The following PDE1C variants were observed in gnomAD, a reference collection of about 807,000 sequenced individuals.
PDE1C encodes dual specificity calcium/calmodulin-dependent 3',5'-cyclic nucleotide phosphodiesterase 1C.
Under a neutral mutation model 93.1 loss-of-function variants are expected in PDE1C, and 62 were observed. The ratio of observed to expected loss-of-function variants is 0.67; its 90% CI spans 0.54 to 0.82. PDE1C has a LOEUF of 0.82. Ranked by LOEUF, PDE1C falls within the 40% of genes least tolerant of loss-of-function variation. The probability of loss-of-function intolerance (pLI) is 0.00; values close to 1 mark genes in which losing one functional copy is unlikely to be tolerated. For missense variants in PDE1C, 742 were observed against 884.6 expected (o/e 0.84, Z 2.04); for synonymous variants, 325 against 310.1 (o/e 1.05, Z -0.50).
chr7:31,713,187 A>G, the PDE1C span, among the ~76,000 whole-genome samples: 1 of 152,214 alleles, frequency 6.6e-6, no homozygotes, highest in South Asian at 2.1e-4. Flanking sequence ...TCCTGGATAC[A>G]ATGGGGATAC....
the PDE1C span, among the ~76,000 whole-genome samples, chr7:31,678,471 T>C: frequency 1.4e-4 from 21 of 152,078 alleles, 1 homozygote; most frequent in South Asian, 2.5e-3. Flanking sequence ...CACCAATCAA[T>C]AGAGTGAGGG....
At chr7:32,117,599 A>G (rs951189465) in intron 3 of PDE1C, among the ~76,000 whole-genome samples, 3 of 152,232 alleles carry the variant, frequency 2.0e-5, no homozygotes, top group Non-Finnish European at 4.4e-5. Flanking sequence ...GGACACACAC[A>G]TACACATATA....
At chr7:31,699,020 A>G in the PDE1C span, among the ~76,000 whole-genome samples, 1 of 152,190 alleles carries the variant, frequency 6.6e-6, no homozygotes, top group East Asian at 1.9e-4. Context: ...CTGGAAAACA[A>G]ACCCCAAAGA....
chr7:32,357,452 G>A (rs1393916825), intron 1 of PDE1C, among the ~76,000 whole-genome samples: 1 of 152,170 alleles, frequency 6.6e-6, no homozygotes, highest in Admixed American at 6.5e-5. Flanking sequence ...AATAAGTTCT[G>A]TCTTCTTTCT....
At chr7:31,803,218 C>T (rs1272247422) in intron 16 of PDE1C, among the ~76,000 whole-genome samples, 3 of 151,690 alleles carry the variant, frequency 2.0e-5, no homozygotes, top group African/African-American at 4.8e-5. Flanking sequence ...TCACATTTCT[C>T]ATATCAGATA....
At chr7:32,391,725 G>A (rs543142886) in intron 1 of PDE1C, among the ~76,000 whole-genome samples, 15 of 152,052 alleles carry the variant, frequency 9.9e-5, no homozygotes, top group Middle Eastern at 6.8e-3. Flanking sequence ...TAAACAACAC[G>A]CTTCTAAACA....
chr7:32,108,230 C>CCA (rs748755388), intron 3 of PDE1C, among the ~76,000 whole-genome samples: 1 of 77,062 alleles, frequency 1.3e-5, no homozygotes, highest in Non-Finnish European at 2.5e-5. Flanking sequence ...AAAAGCAAGA[C>CCA]AAAAAAAAAA....
intron 2 of PDE1C, among the ~76,000 whole-genome samples, chr7:31,993,912 G>A (rs896566252): frequency 6.6e-6 from 1 of 151,862 alleles, no homozygotes; most frequent in Non-Finnish European, 1.5e-5. Flanking sequence ...TCCCTTTTTC[G>A]GCAGTATGTG....
At chr7:32,109,530 CATCCTGGCCTCTACCCA>C (rs1798530280) in intron 3 of PDE1C, among the ~76,000 whole-genome samples, 1 of 152,162 alleles carries the variant, frequency 6.6e-6, no homozygotes, top group African/African-American at 2.4e-5. Context: ...TGTTTAGCCA[CATCCTGGCCTCTACCCA>C]ATAGGTGCCA....
chr7:32,080,551 T>C (rs1188000788), intron 3 of PDE1C, among the ~76,000 whole-genome samples: 2 of 152,192 alleles, frequency 1.3e-5, no homozygotes, highest in African/African-American at 4.8e-5. Context: ...GGGTTAATTT[T>C]CAATTATCTG....
intron 1 of PDE1C, among the ~76,000 whole-genome samples, chr7:32,270,564 T>C (rs1223965256): frequency 6.6e-6 from 1 of 152,188 alleles, no homozygotes; most frequent in Non-Finnish European, 1.5e-5. Flanking sequence ...AAGGACTTTG[T>C]ACAGGACAAG....
At chr7:31,696,764 C>T in the PDE1C span, among the ~76,000 whole-genome samples, 1 of 152,128 alleles carries the variant, frequency 6.6e-6, no homozygotes, top group South Asian at 2.1e-4. Flanking sequence ...ATCAAGCATG[C>T]AAAACCTTTT....
At chr7:32,295,748 G>T (rs1357361484) in intron 1 of PDE1C, among the ~76,000 whole-genome samples, 1 of 152,032 alleles carries the variant, frequency 6.6e-6, no homozygotes, top group Non-Finnish European at 1.5e-5. Flanking sequence ...AAAAAAATTA[G>T]CAGGGCGTGT....
At chr7:32,105,700 A>AT (rs1798266501) in intron 3 of PDE1C, among the ~76,000 whole-genome samples, 1 of 89,730 alleles carries the variant, frequency 1.1e-5, no homozygotes, top group Admixed American at 1.1e-4. Flanking sequence ...ACCACATCTG[A>AT]CTTTTTTTTT....
At chr7:31,892,587 T>C (rs909884890) in intron 2 of PDE1C, among the ~76,000 whole-genome samples, 6 of 152,190 alleles carry the variant, frequency 3.9e-5, no homozygotes, top group African/African-American at 1.4e-4. Flanking sequence ...AGGCTGGCCA[T>C]GAAGGGGTTG....
exon 1 of PDE1C, chr7:32,298,755 G>A (rs749790284): frequency 3.2e-6 from 5 of 1,574,290 alleles, no homozygotes; most frequent in Middle Eastern, 1.7e-4. Flanking sequence ...GGCCGGGCAG[G>A]GGCCTCGCAG....
rs71559203 is a variant in PDE1C at position 31,794,041 on chromosome 7, T to TAGACAGACAGACAGAC, written c.1891+14974_1891+14989dup. 1.2e-4 allele frequency among the ~76,000 whole-genome samples: 11 copies of TAGACAGACAGACAGAC among 89,592 alleles called. No individual in the cohort carries two copies. In the East Asian group the frequency reaches 1.8e-3, roughly 15 times the overall value. 58.8% of individuals were successfully genotyped at this position (89,592 alleles called of 152,430 possible). Reference sequence around the variant, plus strand: ...ATAGATAGATAGATAGATAGATAGATAGACAGACAGACAGACAGACAGACA... The same window carrying TAGACAGACAGACAGAC: ...ATAGATAGATAGATAGATAGATAGATAGACAGACAGACAGACAGACAGACAGACAGACAGACAGACA... On this transcript the variant is annotated intron_variant, in intron 16 of 17. Coordinates refer to ENST00000396191, the MANE Select transcript of PDE1C (RefSeq NM_001191057.4).
chr7:31,695,572 A>C, the PDE1C span: 20 of 1,613,864 alleles, frequency 1.2e-5, no homozygotes, highest in Non-Finnish European at 1.6e-5. Flanking sequence ...ACCAAAAAAA[A>C]CCAAGGAGGA....
At position 31,826,873 on chromosome 7, in the gene PDE1C, G is replaced by A. The variant is rs186592180; in HGVS notation, c.1285+1419C>T. The stretch of plus-strand genomic sequence containing the variant: ...CAGATAGTTATTTTAGACTTTGCAG[G>A]CCATATCATCGCTATCAAAACCACT... On this transcript the variant is annotated intron_variant, in intron 12 of 17. Transcript: ENST00000396191. 1.2e-4 allele frequency among the ~76,000 whole-genome samples: 19 copies of A among 152,240 alleles called. No individual in the cohort carries two copies. In the East Asian group the frequency reaches 3.5e-3, roughly 28 times the overall value.
Sources: gnomAD v4.1 joint callset for allele counts (sites outside exome capture counted in the v4.1 genomes callset) on GRCh38, gnomAD v4.1.1 for gene constraint, MANE v1.5 for transcripts, NCBI Gene and HGNC (gene_info 2026-07-23, HGNC 2026-07-21) for gene names.